The following HAO1 variants were observed in gnomAD, a reference collection of about 807,000 sequenced individuals.
The protein encoded by HAO1 is 2-Hydroxyacid oxidase 1.
In HAO1, 34 loss-of-function variants were observed where a neutral mutation model predicts 39.7. The ratio of observed to expected loss-of-function variants is 0.86; its 90% CI spans 0.65 to 1.14. The LOEUF is 1.14. HAO1 is among the 50% of genes most tolerant of loss of function. The pLI is 0.00. For synonymous variants in HAO1, 172 were observed against 173.2 expected, an observed-to-expected ratio of 0.99 and a Z score of 0.05; for missense variants, 479 against 464.5, an observed-to-expected ratio of 1.03 and a Z score of -0.29.
intron 2 of HAO1, among the ~76,000 whole-genome samples, chr20:7,925,609 T>C (rs1197947693): frequency 6.6e-6 from 1 of 152,214 alleles, no homozygotes. Context: ...AACACAGTGA[T>C]AGGCCTTTAA....
intron 5 of HAO1, among the ~76,000 whole-genome samples, chr20:7,892,644 A>G (rs978128297): frequency 3.9e-5 from 6 of 152,154 alleles, no homozygotes; most frequent in African/African-American, 1.4e-4. Context: ...CCAACCATCT[A>G]TATAATAACT....
chr20:7,922,081 T>G (rs1179113727), intron 2 of HAO1, among the ~76,000 whole-genome samples: 1 of 151,914 alleles, frequency 6.6e-6, no homozygotes, highest in Non-Finnish European at 1.5e-5. Context: ...GTAACAAACC[T>G]GCACATGGCT....
At chr20:7,899,379 G>T (rs2050211260) in intron 4 of HAO1, among the ~76,000 whole-genome samples, 1 of 152,094 alleles carries the variant, frequency 6.6e-6, no homozygotes, top group South Asian at 2.1e-4. Context: ...ATGGTGCAGG[G>T]AATATAAACT....
At chr20:7,920,105 T>G (rs1280868651) in intron 2 of HAO1, among the ~76,000 whole-genome samples, 3 of 152,144 alleles carry the variant, frequency 2.0e-5, no homozygotes, top group Non-Finnish European at 2.9e-5. Flanking sequence ...CCCCATGTGT[T>G]GAGGGAAAGA....
chr20:7,886,261 T>C (rs930947183), intron 5 of HAO1, among the ~76,000 whole-genome samples: 1 of 151,864 alleles, frequency 6.6e-6, no homozygotes, highest in Non-Finnish European at 1.5e-5. Context: ...GCAACCTCCA[T>C]CTCCAGAGTT....
intron 1 of HAO1, among the ~76,000 whole-genome samples, chr20:7,939,561 A>G (rs975456757): frequency 6.6e-6 from 1 of 152,134 alleles, no homozygotes; most frequent in Non-Finnish European, 1.5e-5. Flanking sequence ...AGTGTAGTGT[A>G]GTGAAGGCAC....
At chr20:7,913,274 T>C (rs2050289136) in intron 3 of HAO1, among the ~76,000 whole-genome samples, 1 of 151,884 alleles carries the variant, frequency 6.6e-6, no homozygotes, top group African/African-American at 2.4e-5. Context: ...ATCTTACATA[T>C]TCTGATGGAT....
At chr20:7,883,814 T>C (rs368957474) in intron 7 of HAO1, 151 bp from the exon 8 acceptor site, 17 of 680,350 alleles carry the variant, frequency 2.5e-5, no homozygotes, top group East Asian at 1.6e-4. Context: ...GACCATTTTT[T>C]ATTACCTAAA....
intron 2 of HAO1, among the ~76,000 whole-genome samples, chr20:7,928,006 A>C (rs547373187): frequency 1.3e-5 from 2 of 152,322 alleles, no homozygotes; most frequent in South Asian, 4.1e-4. Flanking sequence ...AATAAAGTCA[A>C]ATTGCGTGGC....
chr20:7,918,636 T>G (rs1294292765), intron 2 of HAO1, among the ~76,000 whole-genome samples: 17 of 152,186 alleles, frequency 1.1e-4, no homozygotes, highest in Admixed American at 1.1e-3. Context: ...TCCACCCTGT[T>G]AGAGCGCTAG....
intron 2 of HAO1, among the ~76,000 whole-genome samples, chr20:7,924,799 G>A (rs1317693343): frequency 6.6e-6 from 1 of 152,034 alleles, no homozygotes; most frequent in East Asian, 1.9e-4. Context: ...AAAGTGTTGG[G>A]GTTTTCTTAG....
chr20:7,900,950 A>G (rs1184178139), intron 4 of HAO1, among the ~76,000 whole-genome samples: 1 of 152,210 alleles, frequency 6.6e-6, no homozygotes, highest in East Asian at 1.9e-4. Flanking sequence ...ATAAGAGAGC[A>G]AAGCAGCCTT....
At chr20:7,889,763 A>T (rs772574668) in intron 5 of HAO1, among the ~76,000 whole-genome samples, 1 of 152,218 alleles carries the variant, frequency 6.6e-6, no homozygotes, top group Non-Finnish European at 1.5e-5. Flanking sequence ...CCAACCTAAT[A>T]GAAGTGTATA....
At chr20:7,895,608 A>AAG (rs201088890) in intron 4 of HAO1, among the ~76,000 whole-genome samples, 3 of 149,502 alleles carry the variant, frequency 2.0e-5, no homozygotes, top group Non-Finnish European at 3.0e-5. Context: ...AAAAAAAAAA[A>AAG]CATAAAAATG....
At chr20:7,932,120 G>A (rs2050388430) in intron 2 of HAO1, among the ~76,000 whole-genome samples, 1 of 152,060 alleles carries the variant, frequency 6.6e-6, no homozygotes, top group African/African-American at 2.4e-5. Context: ...TAAGTATCTG[G>A]CATTTCCCTG....
intron 4 of HAO1, among the ~76,000 whole-genome samples, chr20:7,902,538 T>A (rs898954059): frequency 1.3e-5 from 2 of 152,186 alleles, no homozygotes; most frequent in Non-Finnish European, 2.9e-5. Context: ...AAAACATAAC[T>A]TTCATATGCA....
intron 7 of HAO1, among the ~76,000 whole-genome samples, chr20:7,884,532 C>T (rs1446644912): frequency 6.6e-6 from 1 of 152,098 alleles, no homozygotes; most frequent in Non-Finnish European, 1.5e-5. Context: ...TTTATGTGAA[C>T]ACATGAAAGA....
intron 3 of HAO1, among the ~76,000 whole-genome samples, chr20:7,909,351 G>A (rs1363054188): frequency 6.7e-5 from 7 of 104,562 alleles, no homozygotes; most frequent in South Asian, 4.2e-4. Flanking sequence ...ATTTTTATTC[G>A]GATTATGACA....
At chr20:7,894,044 C>T (rs2050185712) in intron 5 of HAO1, among the ~76,000 whole-genome samples, 1 of 152,184 alleles carries the variant, frequency 6.6e-6, no homozygotes, top group African/African-American at 2.4e-5. Flanking sequence ...CAAAAAATAT[C>T]TGCAACATCA....
Sources: allele counts gnomAD v4.1 joint callset (sites outside exome capture counted in the v4.1 genomes callset), GRCh38; gene constraint gnomAD v4.1.1; transcripts MANE v1.5; gene names NCBI Gene and HGNC (gene_info 2026-07-23, HGNC 2026-07-21).